Variants in TNFRSF8 observed in about 807,000 individuals in gnomAD.
The protein encoded by TNFRSF8 is TNF receptor superfamily member 8.
A neutral mutation model predicts 70.8 loss-of-function variants in TNFRSF8; 26 were observed. The observed-to-expected ratio is 0.37, with a 90% CI of 0.27 to 0.51. The LOEUF (loss-of-function observed/expected upper bound fraction) is 0.51, where lower values mean the gene tolerates loss of function less well. Ranked by LOEUF, TNFRSF8 falls within the 20% of genes least tolerant of loss-of-function variation. TNFRSF8 has a pLI of 0.94. For synonymous variants in TNFRSF8, 356 were observed against 339.2 expected, an observed-to-expected ratio of 1.05 and a Z score of -0.54; for missense variants, 720 against 807.9, an observed-to-expected ratio of 0.89 and a Z score of 1.32.
chr1:12,142,663 C>T lies in TNFRSF8; in HGVS notation c.*132C>T, dbSNP rs575243236. The T allele has an allele frequency of 1.0e-4, 131 of 1,252,160 alleles. No individual in the cohort carries two copies. In the African/African-American group the frequency reaches 1.5e-3, roughly 15 times the overall value. 77.6% of individuals were successfully genotyped at this position (1,252,160 alleles called of 1,614,324 possible). On this transcript the variant is annotated 3_prime_UTR_variant, in exon 15 of 15. Transcript: ENST00000263932. This position sits in a 1 kb window ranked among gnomAD's most constrained non-coding sequence, Gnocchi z 5.0. ...GAGGCTCCAGCATCTAGTGGTGGACCGGCCGGTCACTGCAGGGGTCTGGTG... is the reference window on the plus strand; with the variant it reads ...GAGGCTCCAGCATCTAGTGGTGGACTGGCCGGTCACTGCAGGGGTCTGGTG...
At chr1:12,116,853 G>T (rs768491659) in intron 8 of TNFRSF8, among the ~76,000 whole-genome samples, 19 of 152,016 alleles carry the variant, frequency 1.2e-4, no homozygotes, top group Non-Finnish European at 2.4e-4. Context: ...CTCTGTGAGG[G>T]CTGCCAGAGA....
In TNFRSF8 at chr1:12,110,040, G is replaced by A; in HGVS notation, c.513-1G>A. 6 of 1,612,602 alleles carry A rather than the reference G, an allele frequency of 3.7e-6. No homozygotes were observed. The highest frequency in any genetic ancestry group is 5.1e-6 in the Non-Finnish European group (6 of 1,179,304). ...AGTCCCATCTCTGGCTTCTTCCCCA[G>A]TGGCACCATCCCCCAGGCCAAGCCC... On this transcript the variant is annotated splice_acceptor_variant, in intron 5 of 14. Coordinates refer to ENST00000263932, the MANE Select transcript of TNFRSF8 (RefSeq NM_001243.5). LOFTEE classifies it high-confidence loss of function. This position sits in a 1 kb window ranked among gnomAD's most constrained non-coding sequence, Gnocchi z 4.0.
chr1:12,135,760 A>G (rs1642134640), intron 13 of TNFRSF8, 147 bp downstream of exon 13: 1 of 1,169,706 alleles, frequency 8.5e-7, no homozygotes. Context: ...CCCAGGGTGC[A>G]GGCCCGTCCT....
Position 12,104,458 on chromosome 1 carries a change from G to T in TNFRSF8, c.348G>T (p.Thr116=), listed in dbSNP as rs775922861. The part of the protein sequence containing the change: ...CECRPGMFCS[T]SAVNSCARCF... ...GTCGACCCGGCATGTTCTGTTCCAC[G>T]TCTGCCGTCAACTCCTGTGCCCGCT... Residue 116 remains threonine, a synonymous_variant, in exon 4 of 15, where the codon ACG becomes ACT. Transcript: ENST00000263932. The T allele has an allele frequency of 6.2e-7, 1 of 1,614,028 alleles. No homozygotes were observed. The highest frequency in any genetic ancestry group is 1.3e-5 in the African/African-American group (1 of 74,896).
At position 12,094,872 on chromosome 1, in the gene TNFRSF8, C is replaced by G. The variant is rs757663557; in HGVS notation, c.152-2229C>G. ...AACTTATGACCTCAAATGATCCATG[C>G]GCCTCGGCCTCCGAAAGTGCTGGGA... On this transcript the variant is annotated intron_variant, in intron 2 of 14. Coordinates refer to ENST00000263932, the MANE Select transcript of TNFRSF8 (RefSeq NM_001243.5). 1.3e-5 allele frequency among the ~76,000 whole-genome samples: 2 copies of G among 151,926 alleles called. 1 individual carries two copies. Among genetic ancestry groups the G allele is most frequent in the Non-Finnish European group, 2.9e-5 (2 of 67,976 alleles).
At chr1:12,116,669 T>C (rs1175242467) in intron 8 of TNFRSF8, among the ~76,000 whole-genome samples, 1 of 151,982 alleles carries the variant, frequency 6.6e-6, no homozygotes, top group Non-Finnish European at 1.5e-5. Context: ...GGTGTGGTGG[T>C]GGGCACCGTA....
At chr1:12,067,881 G>C (rs1024995960) in intron 1 of TNFRSF8, among the ~76,000 whole-genome samples, 3 of 141,724 alleles carry the variant, frequency 2.1e-5, no homozygotes, top group African/African-American at 7.7e-5. Flanking sequence ...AATCCTGCAG[G>C]GAGGCAAGGA....
intron 3 of TNFRSF8, among the ~76,000 whole-genome samples, chr1:12,100,521 C>A (rs979978978): frequency 6.6e-6 from 1 of 152,130 alleles, no homozygotes; most frequent in Non-Finnish European, 1.5e-5. Flanking sequence ...TAGCCTTATT[C>A]ATTACACTTT....
chr1:12,089,211 T>G (rs1001524381), intron 2 of TNFRSF8, among the ~76,000 whole-genome samples: 5 of 152,150 alleles, frequency 3.3e-5, no homozygotes, highest in Admixed American at 2.6e-4. Context: ...GGTTCCACTT[T>G]CCTAACACTC....
chr1:12,066,519 A>G (rs1017212829), intron 1 of TNFRSF8, among the ~76,000 whole-genome samples: 1 of 151,848 alleles, frequency 6.6e-6, no homozygotes, highest in East Asian at 1.9e-4. Flanking sequence ...ATGCCTGGCT[A>G]ATTTTTGTAT....
chr1:12,089,950 C>T (rs1310472290), intron 2 of TNFRSF8, among the ~76,000 whole-genome samples: 1 of 151,412 alleles, frequency 6.6e-6, no homozygotes, highest in Admixed American at 6.6e-5. Flanking sequence ...ATCCATCTAC[C>T]CATCCACCCA....
At chr1:12,072,650 G>A (rs1189974194) in intron 1 of TNFRSF8, among the ~76,000 whole-genome samples, 1 of 152,128 alleles carries the variant, frequency 6.6e-6, no homozygotes, top group Non-Finnish European at 1.5e-5. Context: ...TCCTCCAGGG[G>A]GCTAAGAACT....
chr1:12,104,284 C>T (rs1431288704), intron 3 of TNFRSF8, 95 bp from the exon 4 acceptor site: 16 of 1,398,926 alleles, frequency 1.1e-5, no homozygotes, highest in African/African-American at 7.1e-5. Context: ...GGCTGCGTTG[C>T]GGACTGCACC....
intron 1 of TNFRSF8, among the ~76,000 whole-genome samples, chr1:12,073,735 A>G (rs142457042): frequency 0.057 from 8,560 of 151,382 alleles, 782 homozygotes; most frequent in African/African-American, 0.19. Flanking sequence ...CTGGGATTAC[A>G]GGCGCCCACC....
chr1:12,101,187 G>C (rs1032531018), intron 3 of TNFRSF8, among the ~76,000 whole-genome samples: 1 of 152,190 alleles, frequency 6.6e-6, no homozygotes, highest in African/African-American at 2.4e-5. Flanking sequence ...CACTTAGGGA[G>C]GCCAGGCTGG....
Position 12,143,331 on chromosome 1 carries a change from C to G in TNFRSF8, c.*800C>G, listed in dbSNP as rs901915798. ...TCTGCAGCCCTCAGCAGCTGCAGAC[C>G]GCCCCTCACCAACCCAGAGAACCTG... On this transcript the variant is annotated 3_prime_UTR_variant, in exon 15 of 15. Transcript: ENST00000263932. This position sits in a 1 kb window ranked among gnomAD's most constrained non-coding sequence, Gnocchi z 4.1. 6.6e-6 allele frequency: 1 copy of G among 152,164 alleles called. No homozygotes were observed. Among genetic ancestry groups the G allele is most frequent in the Non-Finnish European group, 1.5e-5 (1 of 68,036 alleles). 9.4% of individuals were successfully genotyped at this position (152,164 alleles called of 1,614,324 possible).
chr1:12,116,959 G>A (rs1051559602), intron 8 of TNFRSF8, among the ~76,000 whole-genome samples: 3 of 152,108 alleles, frequency 2.0e-5, no homozygotes, highest in Non-Finnish European at 4.4e-5. Flanking sequence ...GAGGTGTGAG[G>A]TGTAGTGGCC....
At chr1:12,116,819 T>G (rs1202766573) in intron 8 of TNFRSF8, among the ~76,000 whole-genome samples, 1 of 151,020 alleles carries the variant, frequency 6.6e-6, no homozygotes, top group Non-Finnish European at 1.5e-5. Context: ...AAAAACCAAG[T>G]GGAGGGAAGG....
chr1:12,137,187 T>C (rs1642161894), intron 13 of TNFRSF8, among the ~76,000 whole-genome samples: 4 of 152,212 alleles, frequency 2.6e-5, no homozygotes, highest in Admixed American at 2.6e-4. Flanking sequence ...AGCTGAGGAA[T>C]CTCAGCGCCT....
Sources: gnomAD v4.1 joint callset for allele counts (sites outside exome capture counted in the v4.1 genomes callset) on GRCh38, gnomAD v4.1.1 for gene constraint, Gnocchi (gnomAD v3.1) non-coding constraint, MANE v1.5 for transcripts, NCBI Gene and HGNC (gene_info 2026-07-23, HGNC 2026-07-21) for gene names.